ALDH1L2: variants seen among roughly 807,000 people sequenced by gnomAD.
The protein encoded by ALDH1L2 is aldehyde dehydrogenase 1 family member L2.
A neutral mutation model predicts 111.0 loss-of-function variants in ALDH1L2; 91 were observed. The observed-to-expected ratio is 0.82, with a 90% CI of 0.69 to 0.98. ALDH1L2 has a LOEUF of 0.98. Ranked by LOEUF, ALDH1L2 falls within the 50% of genes least tolerant of loss-of-function variation. ALDH1L2 has a pLI of 0.00. For synonymous variants in ALDH1L2, 374 were observed against 392.6 expected (o/e 0.95, Z 0.56); for missense variants, 995 against 1,126.8 (o/e 0.88, Z 1.67).
intron 13 of ALDH1L2, 65 bp from the exon 14 acceptor site, chr12:105,047,034 A>T: frequency 6.5e-7 from 1 of 1,545,930 alleles, no homozygotes; most frequent in East Asian, 2.3e-5. Context: ...ATCTCAAAGG[A>T]TCCATTTTCT....
intron 15 of ALDH1L2, among the ~76,000 whole-genome samples, chr12:105,046,190 TC>T: frequency 4.0e-5 from 1 of 24,728 alleles, no homozygotes; most frequent in Admixed American, 5.0e-4. Context: ...TCTCTCTCTC[TC>T]TCTATATATA....
intron 1 of ALDH1L2, among the ~76,000 whole-genome samples, chr12:105,081,112 A>C (rs1002532612): frequency 6.6e-6 from 1 of 152,196 alleles, no homozygotes; most frequent in African/African-American, 2.4e-5. Context: ...GTTATATACA[A>C]ATATTACCCG....
chr12:105,030,628 T>C (rs1592763243), intron 20 of ALDH1L2, among the ~76,000 whole-genome samples, 199 bp from the exon 21 acceptor site: 2 of 152,196 alleles, frequency 1.3e-5, no homozygotes, highest in Non-Finnish European at 2.9e-5. Flanking sequence ...GTCAAACCTA[T>C]GTAAAGGTAG....
At chr12:105,032,649 CT>C (rs1007816164) in intron 19 of ALDH1L2, among the ~76,000 whole-genome samples, 2 of 152,196 alleles carry the variant, frequency 1.3e-5, no homozygotes, top group African/African-American at 4.8e-5. Flanking sequence ...ATACTGTAGA[CT>C]TTTTTCCACT....
chr12:105,072,192 A>T (rs1877777945), intron 2 of ALDH1L2, among the ~76,000 whole-genome samples: 1 of 148,090 alleles, frequency 6.8e-6, no homozygotes, highest in Admixed American at 6.8e-5. Flanking sequence ...AATATCCTAT[A>T]TGATATATAC....
rs1230578176 is a variant in ALDH1L2, at chr12:105,040,123, C to A, written c.1952-317G>T. Among the ~76,000 whole-genome samples the A allele has an allele frequency of 1.1e-4, 7 of 61,436 alleles. No individual in the cohort carries two copies. In the Admixed American group the frequency reaches 1.5e-3, roughly 13 times the overall value. The allele number at this position is 61,436 out of a possible 152,430, so 40.3% of individuals were successfully genotyped here. Reference sequence around the variant, plus strand: ...CCGGGGCAACAGAGTGAGACTCCGTCTCAAAAAAAAAAAAAAAAAAAAAAA... The same window carrying A: ...CCGGGGCAACAGAGTGAGACTCCGTATCAAAAAAAAAAAAAAAAAAAAAAA... On this transcript the variant is annotated intron_variant, in intron 16 of 22. Coordinates refer to ENST00000258494, the MANE Select transcript of ALDH1L2 (RefSeq NM_001034173.4).
intron 18 of ALDH1L2, 46 bp downstream of exon 18, chr12:105,038,057 T>A (rs10861315): frequency 6.5e-6 from 10 of 1,540,620 alleles, no homozygotes; most frequent in Non-Finnish European, 8.1e-6. Context: ...GTGAGCCACC[T>A]CACCTGGCCC....
chr12:105,028,283 G>T (rs941783140), intron 21 of ALDH1L2, among the ~76,000 whole-genome samples: 5 of 152,078 alleles, frequency 3.3e-5, no homozygotes, highest in Non-Finnish European at 5.9e-5. Flanking sequence ...GATAATTTTT[G>T]TATTTTTAGT....
At chr12:105,044,443 G>T (rs1875719510) in intron 15 of ALDH1L2, among the ~76,000 whole-genome samples, 1 of 151,506 alleles carries the variant, frequency 6.6e-6, no homozygotes, top group Non-Finnish European at 1.5e-5. Context: ...ATCTCTGCCA[G>T]TGGGGCCCAA....
Position 105,051,840 on chromosome 12 carries a change from A to G in ALDH1L2, c.1535+250T>C, listed in dbSNP as rs544420693. Among the ~76,000 whole-genome samples, 106 of 146,854 alleles carry G rather than the reference A, an allele frequency of 7.2e-4. No individual in the cohort carries two copies. The South Asian group carries it at 0.013, about 18-fold the overall frequency. ...TGCTTTCTAGCACAGGCTGGAGTGC[A>G]GTGGTGCACTCTCGGCTCACTACAC... is the stretch of plus-strand genomic sequence containing the variant. On this transcript the variant is annotated intron_variant, in intron 12 of 22. Coordinates refer to ENST00000258494, the MANE Select transcript of ALDH1L2 (RefSeq NM_001034173.4).
At chr12:105,052,762 A>G (rs756044498) in intron 11 of ALDH1L2, 50 bp downstream of exon 11, 10 of 1,608,376 alleles carry the variant, frequency 6.2e-6, no homozygotes, top group Non-Finnish European at 8.5e-6. Flanking sequence ...TGGTGTATTA[A>G]CTAAAAATCC....
chr12:105,077,069 C>T lies in ALDH1L2; in HGVS notation c.49-3064G>A, dbSNP rs193155090. On this transcript the variant is annotated intron_variant, in intron 1 of 22. Transcript: ENST00000258494. The stretch of plus-strand genomic sequence containing the variant: ...CTACTTTAGAAAAAGAAAAACATAG[C>T]AACAGTTTGACAGGTCAATTGGGAA... 6.0e-4 allele frequency among the ~76,000 whole-genome samples: 92 copies of T among 152,214 alleles called. No individual in the cohort carries two copies. The East Asian group carries it at 0.017, about 29-fold the overall frequency.
At chr12:105,047,894 C>T (rs1876016418) in intron 13 of ALDH1L2, 1 of 152,164 alleles carries the variant, frequency 6.6e-6, no homozygotes, top group Non-Finnish European at 1.5e-5. Context: ...ATCAAACATG[C>T]TAGTATTTAT....
At chr12:105,054,357 A>G (rs1876483798) in intron 10 of ALDH1L2, among the ~76,000 whole-genome samples, 2 of 152,222 alleles carry the variant, frequency 1.3e-5, no homozygotes, top group African/African-American at 4.8e-5. Flanking sequence ...AACACTAGAA[A>G]ATATTGTTAA....
At chr12:105,037,131 G>A (rs1162207590) in intron 18 of ALDH1L2, among the ~76,000 whole-genome samples, 1 of 152,152 alleles carries the variant, frequency 6.6e-6, no homozygotes, top group Non-Finnish European at 1.5e-5. Flanking sequence ...ACAATTACAA[G>A]AAAGCTTAGC....
intron 5 of ALDH1L2, 94 bp downstream of exon 5, chr12:105,066,474 C>T (rs965417083): frequency 6.5e-6 from 8 of 1,229,574 alleles, no homozygotes; most frequent in Non-Finnish European, 9.3e-6. Flanking sequence ...GGCAAGCTGG[C>T]TTACCTTTTG....
chr12:105,035,868 TAC>T (rs369417499), intron 18 of ALDH1L2, among the ~76,000 whole-genome samples: 51 of 96,266 alleles, frequency 5.3e-4, no homozygotes, highest in African/African-American at 1.6e-3. Flanking sequence ...TGTGTGTGTA[TAC>T]ACACACACAT....
rs140654357 is a variant in ALDH1L2, at chr12:105,031,791, C to T, written c.2388G>A (p.Gly796=). The T allele has an allele frequency of 9.3e-6, 15 of 1,614,148 alleles. No individual in the cohort carries two copies. In the African/African-American group the frequency reaches 2.0e-4, roughly 22 times the overall value. The change falls in exon 20 of 23, where the codon GGG becomes GGA. Residue 796 remains glycine, a synonymous_variant. Coordinates refer to ENST00000258494, the MANE Select transcript of ALDH1L2 (RefSeq NM_001034173.4). ...GVKEGATLVY[G]GRQVQRPGFF... ...TACCTGGCCTTTGGACTTGTCTTCC[C>T]CCGTACACCAAAGTGGCCCCTTCTT...
At chr12:105,063,308 C>G (rs1385037015) in intron 6 of ALDH1L2, among the ~76,000 whole-genome samples, 1 of 152,050 alleles carries the variant, frequency 6.6e-6, no homozygotes, top group African/African-American at 2.4e-5. Context: ...AACCCCGTCT[C>G]TACTAAAAAT....
Sources: gnomAD v4.1 joint callset for allele counts (sites outside exome capture counted in the v4.1 genomes callset) on GRCh38, gnomAD v4.1.1 for gene constraint, MANE v1.5 for transcripts, NCBI Gene and HGNC (gene_info 2026-07-23, HGNC 2026-07-21) for gene names.